The following ROR1 variants were observed in gnomAD, a reference collection of about 807,000 sequenced individuals.
ROR1 encodes inactive tyrosine-protein kinase transmembrane receptor ROR1.
Under a neutral mutation model 78.8 loss-of-function variants are expected in ROR1, and 19 were observed. That is an observed-to-expected ratio of 0.24 (90% CI 0.17 to 0.35). The LOEUF is 0.35. ROR1 is among the 10% of genes least tolerant of loss of function. The probability of loss-of-function intolerance (pLI) is 1.00; values close to 1 mark genes in which losing one functional copy is unlikely to be tolerated. For missense variants in ROR1, 917 were observed against 1,177.8 expected (o/e 0.78, Z 3.24); for synonymous variants, 386 against 433.6 (o/e 0.89, Z 1.36).
intron 1 of ROR1, among the ~76,000 whole-genome samples, chr1:63,880,082 T>C (rs1032691678): frequency 6.6e-6 from 1 of 152,082 alleles, no homozygotes; most frequent in Non-Finnish European, 1.5e-5. Context: ...ACATAAGAAA[T>C]TGCCTACCAT....
intron 1 of ROR1, among the ~76,000 whole-genome samples, chr1:63,996,350 G>T (rs979570827): frequency 6.6e-6 from 1 of 152,072 alleles, no homozygotes; most frequent in Non-Finnish European, 1.5e-5. Flanking sequence ...TGTTTTCCTC[G>T]ATTTAACTTT....
Position 63,809,546 on chromosome 1 carries a change from G to T in ROR1, c.91+35038G>T, listed in dbSNP as rs1644848273. The stretch of plus-strand genomic sequence containing the variant: ...CTGGGGAATGGAGAGTTTCAAAGAA[G>T]TCTAGAGTTGAAGCATTGTCCTTTT... On this transcript the variant is annotated intron_variant, in intron 1 of 8. Coordinates refer to ENST00000371079, the MANE Select transcript of ROR1 (RefSeq NM_005012.4). Among the ~76,000 whole-genome samples, 3 of 152,194 alleles carry T rather than the reference G, an allele frequency of 2.0e-5. No individual in the cohort carries two copies. The South Asian group carries it at 6.2e-4, about 31-fold the overall frequency.
chr1:63,824,178 C>T (rs1301073273), intron 1 of ROR1, among the ~76,000 whole-genome samples: 1 of 151,986 alleles, frequency 6.6e-6, no homozygotes, highest in African/African-American at 2.4e-5. Flanking sequence ...TTCTGTGCAC[C>T]CAGCAGGGTT....
intron 4 of ROR1, among the ~76,000 whole-genome samples, chr1:64,128,010 G>T (rs1382679474): frequency 1.3e-5 from 2 of 152,110 alleles, no homozygotes; most frequent in Non-Finnish European, 2.9e-5. Context: ...CTCAGTGAGG[G>T]GCAGCTGACA....
At chr1:63,906,279 AC>A (rs1442074814) in intron 1 of ROR1, among the ~76,000 whole-genome samples, 2 of 150,866 alleles carry the variant, frequency 1.3e-5, no homozygotes, top group Non-Finnish European at 3.0e-5. Context: ...GGTATGGATT[AC>A]AGGAGTGATC....
intron 1 of ROR1, among the ~76,000 whole-genome samples, chr1:63,940,838 A>G (rs1645832906): frequency 6.6e-6 from 1 of 152,218 alleles, no homozygotes; most frequent in Non-Finnish European, 1.5e-5. Flanking sequence ...TGATCAGGTT[A>G]ATATCATGAA....
intron 8 of ROR1, among the ~76,000 whole-genome samples, chr1:64,159,815 C>T (rs1306869922): frequency 6.6e-6 from 1 of 152,188 alleles, no homozygotes; most frequent in African/African-American, 2.4e-5. Flanking sequence ...GCCTTCCCCA[C>T]TTTGAGCTAA....
intron 1 of ROR1, among the ~76,000 whole-genome samples, chr1:63,824,825 CT>C (rs1463456176): frequency 6.6e-6 from 1 of 152,062 alleles, no homozygotes; most frequent in East Asian, 1.9e-4. Flanking sequence ...TTTGATGTGT[CT>C]TTTTTCAGTC....
chr1:63,927,633 A>G (rs1341266461), intron 1 of ROR1, among the ~76,000 whole-genome samples: 2 of 151,944 alleles, frequency 1.3e-5, no homozygotes, highest in Non-Finnish European at 2.9e-5. Flanking sequence ...CTCATTTTAG[A>G]CGAGGAACCT....
At chr1:63,825,522 T>G (rs1644947833) in intron 1 of ROR1, among the ~76,000 whole-genome samples, 1 of 152,098 alleles carries the variant, frequency 6.6e-6, no homozygotes, top group Non-Finnish European at 1.5e-5. Flanking sequence ...TCAGGCAAGG[T>G]GGGAATGGTT....
At chr1:64,159,294 A>C in intron 8 of ROR1, 102 bp downstream of exon 8, 1 of 883,940 alleles carries the variant, frequency 1.1e-6, no homozygotes, top group Non-Finnish European at 1.8e-6. Context: ...ATGGAATCAG[A>C]GTTTTATAAG....
chr1:63,813,708 C>T (rs1262313079), intron 1 of ROR1, among the ~76,000 whole-genome samples: 1 of 152,208 alleles, frequency 6.6e-6, no homozygotes, highest in Middle Eastern at 3.2e-3. Context: ...TTCTCTCTGT[C>T]TAAGGGCATT....
intron 4 of ROR1, among the ~76,000 whole-genome samples, chr1:64,132,800 A>C: frequency 6.8e-6 from 1 of 147,244 alleles, no homozygotes; most frequent in African/African-American, 2.5e-5. Context: ...AGAGATAGGC[A>C]TTTTAACTGA....
chr1:64,072,328 C>T (rs1188618650), intron 4 of ROR1, among the ~76,000 whole-genome samples: 1 of 152,076 alleles, frequency 6.6e-6, no homozygotes, highest in African/African-American at 2.4e-5. Flanking sequence ...GTAAATGGCC[C>T]TCAGAGCCTC....
rs1181470211 is a variant in ROR1, at chr1:64,083,379, G to A, written c.482+32663G>A. Among the ~76,000 whole-genome samples, 3 of 152,170 alleles carry A rather than the reference G, an allele frequency of 2.0e-5. No individual in the cohort carries two copies. The East Asian group carries it at 5.8e-4, about 29-fold the overall frequency. On this transcript the variant is annotated intron_variant, in intron 4 of 8. Transcript: ENST00000371079. ...CAAGTGATTATTTCAGGGAAAGAAT[G>A]AGAATAGGTGCCAAGTTTACAGGAA... is the stretch of plus-strand genomic sequence containing the variant.
At chr1:63,874,477 A>G (rs544943235) in intron 1 of ROR1, among the ~76,000 whole-genome samples, 31 of 152,246 alleles carry the variant, frequency 2.0e-4, no homozygotes, top group South Asian at 1.0e-3. Flanking sequence ...CACTTGTCCA[A>G]CTTTCCACCG....
intron 1 of ROR1, among the ~76,000 whole-genome samples, chr1:63,998,298 T>C (rs915877923): frequency 4.6e-5 from 7 of 151,912 alleles, no homozygotes; most frequent in Admixed American, 1.3e-4. Flanking sequence ...TTTTTTTTTT[T>C]TGTCTTTTCA....
At chr1:63,839,655 G>T (rs917258255) in intron 1 of ROR1, among the ~76,000 whole-genome samples, 2 of 151,766 alleles carry the variant, frequency 1.3e-5, no homozygotes, top group East Asian at 1.9e-4. Context: ...TAATATTTTG[G>T]GTACATTTCC....
At chr1:64,003,039 G>A (rs1467204712) in intron 1 of ROR1, among the ~76,000 whole-genome samples, 1 of 151,904 alleles carries the variant, frequency 6.6e-6, no homozygotes, top group East Asian at 1.9e-4. Context: ...AAGCTGATTG[G>A]GCAGCTGCCT....
Sources: gnomAD v4.1 joint callset for allele counts (sites outside exome capture counted in the v4.1 genomes callset) on GRCh38, gnomAD v4.1.1 for gene constraint, MANE v1.5 for transcripts, NCBI Gene and HGNC (gene_info 2026-07-23, HGNC 2026-07-21) for gene names.